Variants in NREP observed in about 807,000 individuals in gnomAD.
NREP encodes the protein neuronal regeneration-related protein.
Under a neutral mutation model 8.6 loss-of-function variants are expected in NREP, and 5 were observed. The observed-to-expected ratio is 0.58, with a 90% CI of 0.30 to 1.22. The LOEUF is 1.22. Among genes scored for constraint, NREP ranks in the 50% most tolerant of loss-of-function variants. The pLI, the probability that NREP is intolerant of heterozygous loss-of-function variation, is 0.07. For synonymous variants in NREP, 27 were observed against 28.0 expected (o/e 0.96, Z 0.11); for missense variants, 86 against 82.5 (o/e 1.04, Z -0.17).
intron 2 of NREP, among the ~76,000 whole-genome samples, chr5:111,797,332 C>T (rs1751897082): frequency 6.6e-6 from 1 of 152,148 alleles, no homozygotes; most frequent in African/African-American, 2.4e-5. Flanking sequence ...TTTGCTTACA[C>T]TCCAAAATTA....
intron 2 of NREP, among the ~76,000 whole-genome samples, chr5:111,889,756 C>G (rs1754349350): frequency 6.6e-6 from 1 of 152,136 alleles, no homozygotes; most frequent in African/African-American, 2.4e-5. Context: ...GTTTATTTCA[C>G]TTGGGTGCAA....
intron 2 of NREP, among the ~76,000 whole-genome samples, chr5:111,958,488 G>T (rs1049419703): frequency 3.3e-5 from 5 of 151,776 alleles, no homozygotes; most frequent in African/African-American, 1.2e-4. Flanking sequence ...AAGTTTCTGG[G>T]CTCACAATTG....
intron 2 of NREP, among the ~76,000 whole-genome samples, chr5:111,790,593 C>A (rs1186527560): frequency 2.6e-5 from 4 of 151,842 alleles, no homozygotes; most frequent in African/African-American, 9.7e-5. Flanking sequence ...TATCCTTTCT[C>A]AAAAATAAGC....
rs58786414 is a variant in NREP, at chr5:111,899,208, G to A, written c.135+76066C>T. On this transcript the variant is annotated intron_variant, in intron 2 of 3. Coordinates refer to the NREP transcript ENST00000395634. The stretch of plus-strand genomic sequence containing the variant: ...AAAGAGAAAGGAGTCAAATTTTATT[G>A]CTACAAAATAACCACCAACTCATAC... Among the ~76,000 whole-genome samples the A allele has an allele frequency of 3.9e-3, 592 of 152,222 alleles. 4 individuals are homozygous for A. Among genetic ancestry groups the A allele is most frequent in the African/African-American group, 0.013 (559 of 41,524 alleles).
At chr5:111,770,951 T>G (rs1751205375) in intron 2 of NREP, among the ~76,000 whole-genome samples, 1 of 152,154 alleles carries the variant, frequency 6.6e-6, no homozygotes, top group African/African-American at 2.4e-5. Context: ...TTCAAAACAT[T>G]TTCTAAAGTT....
At chr5:111,917,610 C>T (rs941690472) in intron 2 of NREP, among the ~76,000 whole-genome samples, 1 of 152,140 alleles carries the variant, frequency 6.6e-6, no homozygotes, top group African/African-American at 2.4e-5. Context: ...GATAAAACCA[C>T]CTGATTATCT....
chr5:111,976,744 G>C, exon 1 of NREP: 2 of 1,550,620 alleles, frequency 1.3e-6, no homozygotes, highest in Non-Finnish European at 1.7e-6. Flanking sequence ...TTTCATTCCA[G>C]TCCTGTTACT....
At chr5:111,758,334 C>T, upstream of NREP, 1 of 796,916 alleles carries the variant, frequency 1.3e-6, no homozygotes, top group Non-Finnish European at 1.5e-6. Context: ...ATACGCTCCC[C>T]CACTGCCTGC....
chr5:111,811,047 C>T (rs7718087), intron 2 of NREP, among the ~76,000 whole-genome samples: 97,970 of 152,008 alleles, frequency 0.64, 32,063 homozygotes, highest in Non-Finnish European at 0.7. Flanking sequence ...AAACCACATA[C>T]TGTTGAGAAA....
chr5:111,760,415 C>T (rs1026719938), upstream of NREP, among the ~76,000 whole-genome samples: 4 of 152,106 alleles, frequency 2.6e-5, no homozygotes, highest in Non-Finnish European at 5.9e-5. Flanking sequence ...TCAGGATTTT[C>T]GTAGGGAGGA....
At chr5:111,960,292 C>T (rs1206700484) in intron 2 of NREP, among the ~76,000 whole-genome samples, 2 of 152,076 alleles carry the variant, frequency 1.3e-5, no homozygotes, top group Non-Finnish European at 2.9e-5. Context: ...TATTCCATAC[C>T]TCAGCTGTCC....
chr5:111,897,820 G>A (rs536952349), intron 2 of NREP, among the ~76,000 whole-genome samples: 137 of 151,804 alleles, frequency 9.0e-4, no homozygotes, highest in Non-Finnish European at 1.3e-3. Context: ...TGATATTGTG[G>A]AAAATAACAT....
chr5:111,970,662 C>G (rs1756787138), intron 2 of NREP, among the ~76,000 whole-genome samples: 1 of 151,840 alleles, frequency 6.6e-6, no homozygotes, highest in Non-Finnish European at 1.5e-5. Flanking sequence ...CCCGCCTCCA[C>G]TAAAAACACA....
intron 2 of NREP, among the ~76,000 whole-genome samples, chr5:111,764,228 T>C (rs943230331): frequency 6.6e-6 from 1 of 152,150 alleles, no homozygotes; most frequent in Non-Finnish European, 1.5e-5. Context: ...AGCTGACCAC[T>C]AGTTGTGAAG....
intron 2 of NREP, among the ~76,000 whole-genome samples, chr5:111,940,403 T>G (rs1755798862): frequency 6.6e-6 from 1 of 152,048 alleles, no homozygotes; most frequent in Non-Finnish European, 1.5e-5. Flanking sequence ...TCTCTGCTAC[T>G]CCAAACTACA....
At chr5:111,866,698 AT>A (rs1753672278) in intron 2 of NREP, among the ~76,000 whole-genome samples, 1 of 152,164 alleles carries the variant, frequency 6.6e-6, no homozygotes, top group African/African-American at 2.4e-5. Context: ...ATGCACACGT[AT>A]GTTTATTGCG....
chr5:111,751,561 T>C (rs1443011707), intron 2 of NREP, among the ~76,000 whole-genome samples: 1 of 152,218 alleles, frequency 6.6e-6, no homozygotes, highest in Non-Finnish European at 1.5e-5. Flanking sequence ...CAGTACAAAG[T>C]AGAGGAGCCT....
chr5:111,927,006 A>G (rs976469566), intron 2 of NREP, among the ~76,000 whole-genome samples: 75 of 152,056 alleles, frequency 4.9e-4, no homozygotes, highest in African/African-American at 1.8e-3. Context: ...TTGTATGGCC[A>G]GCGTGTCTCC....
chr5:111,934,358 G>C (rs1755624848), intron 2 of NREP, among the ~76,000 whole-genome samples: 1 of 152,192 alleles, frequency 6.6e-6, no homozygotes, highest in Admixed American at 6.5e-5. Context: ...CATATAGGGA[G>C]TATCTGGTGA....
Sources: allele counts gnomAD v4.1 joint callset (sites outside exome capture counted in the v4.1 genomes callset), GRCh38; gene constraint gnomAD v4.1.1; transcripts MANE v1.5; gene names NCBI Gene and HGNC (gene_info 2026-07-23, HGNC 2026-07-21).